The following MPP7 variants were observed in gnomAD, a reference collection of about 807,000 sequenced individuals.
MPP7 encodes the protein MAGUK p55 scaffold protein 7, also known as MAGUK p55 subfamily member 7.
MPP7 carries 60 observed loss-of-function variants against 76.5 expected under a neutral mutation model. The ratio of observed to expected loss-of-function variants is 0.78; its 90% CI spans 0.64 to 0.97. MPP7 has a LOEUF of 0.97. Among genes scored for constraint, MPP7 ranks in the 50% least tolerant of loss-of-function variants. The pLI, the probability that MPP7 is intolerant of heterozygous loss-of-function variation, is 0.00. For synonymous variants in MPP7, 237 were observed against 244.5 expected, an observed-to-expected ratio of 0.97 and a Z score of 0.29; for missense variants, 641 against 694.0, an observed-to-expected ratio of 0.92 and a Z score of 0.86.
chr10:28,319,257 G>A (rs1444263751), intron 2 of MPP7, among the ~76,000 whole-genome samples: 1 of 152,102 alleles, frequency 6.6e-6, no homozygotes, highest in Non-Finnish European at 1.5e-5. Context: ...GAACAGCAAG[G>A]GGAAAATCCA....
intron 1 of MPP7, among the ~76,000 whole-genome samples, chr10:28,284,430 G>A (rs1459031692): frequency 6.6e-6 from 1 of 152,202 alleles, no homozygotes; most frequent in Non-Finnish European, 1.5e-5. Context: ...CCTGTTTCAA[G>A]TCACAGGCAG....
intron 2 of MPP7, among the ~76,000 whole-genome samples, chr10:28,211,870 G>A (rs917124923): frequency 2.6e-5 from 4 of 152,182 alleles, no homozygotes; most frequent in East Asian, 1.9e-4. Context: ...GGGCAAACAC[G>A]AGAAGGAGCT....
intron 3 of MPP7, among the ~76,000 whole-genome samples, chr10:28,199,383 C>T (rs1404848123): frequency 3.3e-5 from 5 of 152,052 alleles, no homozygotes; most frequent in Admixed American, 6.6e-5. Flanking sequence ...TCTATTTAGG[C>T]GTTTTTCTTT....
At chr10:28,080,434 C>T (rs745765433) in intron 12 of MPP7, among the ~76,000 whole-genome samples, 2 of 152,158 alleles carry the variant, frequency 1.3e-5, no homozygotes, top group African/African-American at 2.4e-5. Context: ...TCTGTGTCCC[C>T]AACTCTCCAT....
intron 3 of MPP7, among the ~76,000 whole-genome samples, chr10:28,179,118 G>A (rs1457405428): frequency 6.6e-6 from 1 of 152,124 alleles, no homozygotes; most frequent in Non-Finnish European, 1.5e-5. Flanking sequence ...CTGGGGTGCA[G>A]ATAAAGAACT....
intron 11 of MPP7, among the ~76,000 whole-genome samples, chr10:28,097,976 T>C (rs1451152970): frequency 6.6e-6 from 1 of 152,198 alleles, no homozygotes; most frequent in Non-Finnish European, 1.5e-5. Context: ...ACTTGGACAG[T>C]TGCAATTTGG....
At position 28,058,476 on chromosome 10, in the gene MPP7, T is replaced by C. The variant is rs371022764; in HGVS notation, c.1407+19A>G. On this transcript the variant is annotated intron_variant, in intron 15 of 16. Transcript: ENST00000683449. ...TGACATGGGTCAGAAGGGTATTGAA[T>C]AGCTCATTGTTTACTTACATGAGGC... 21 of 1,428,122 alleles carry C rather than the reference T, an allele frequency of 1.5e-5. No individual in the cohort carries two copies. The Admixed American group carries it at 3.1e-4, about 21-fold the overall frequency. The allele number at this position is 1,428,122 out of a possible 1,614,324, so 88.5% of individuals were successfully genotyped here.
intron 1 of MPP7, among the ~76,000 whole-genome samples, chr10:28,285,446 A>T (rs986531715): frequency 6.6e-6 from 1 of 152,168 alleles, no homozygotes; most frequent in Admixed American, 6.5e-5. Flanking sequence ...CGGCCTCCCA[A>T]AGTGCTAGGA....
At chr10:28,152,976 G>C (rs557078424) in intron 3 of MPP7, among the ~76,000 whole-genome samples, 1 of 152,066 alleles carries the variant, frequency 6.6e-6, no homozygotes, top group Non-Finnish European at 1.5e-5. Flanking sequence ...ACTTCAGACC[G>C]AGTGTGGTGG....
intron 1 of MPP7, among the ~76,000 whole-genome samples, chr10:28,270,539 G>T (rs74686639): frequency 2.9e-5 from 3 of 102,602 alleles, no homozygotes; most frequent in African/African-American, 4.2e-5. Flanking sequence ...AAAAGGGGGG[G>T]GGGGAGGAGG....
At position 28,053,856 on chromosome 10, in the gene MPP7, G is replaced by A. The variant is rs1373808302; in HGVS notation, c.*209C>T. 2 of 587,598 alleles carry A rather than the reference G, an allele frequency of 3.4e-6. No individual in the cohort carries two copies. The highest frequency in any genetic ancestry group is 2.9e-5 in the East Asian group (1 of 34,972). The allele number at this position is 587,598 out of a possible 1,614,324, so 36.4% of individuals were successfully genotyped here. ...GGTTTGAGGTTTTGCTTAGAATACA[G>A]TACTGTGCATATTTTGATTTCGGAT... On this transcript the variant is annotated 3_prime_UTR_variant, in exon 17 of 17. Transcript: ENST00000683449.
At chr10:28,204,253 G>A (rs1050995731) in intron 2 of MPP7, among the ~76,000 whole-genome samples, 8 of 152,174 alleles carry the variant, frequency 5.3e-5, no homozygotes, top group Admixed American at 1.3e-4. Context: ...GATCAGCCTG[G>A]CCAACATGGT....
At chr10:28,323,553 T>C (rs1293592139) in intron 2 of MPP7, among the ~76,000 whole-genome samples, 2 of 151,854 alleles carry the variant, frequency 1.3e-5, no homozygotes, top group African/African-American at 4.8e-5. Context: ...GCTCTAAGAA[T>C]TGTGAAATGG....
At chr10:28,221,126 T>G (rs1178694218) in intron 2 of MPP7, among the ~76,000 whole-genome samples, 2 of 152,160 alleles carry the variant, frequency 1.3e-5, no homozygotes, top group East Asian at 3.8e-4. Context: ...CATGGTAGGT[T>G]AGAAAGTTTG....
At chr10:28,332,482 A>G (rs549286572) in intron 1 of MPP7, among the ~76,000 whole-genome samples, 1 of 152,320 alleles carries the variant, frequency 6.6e-6, no homozygotes, top group African/African-American at 2.4e-5. Flanking sequence ...AAATAGTGCA[A>G]TGGCATGAAT....
intron 2 of MPP7, among the ~76,000 whole-genome samples, chr10:28,315,365 G>A (rs1290466732): frequency 6.6e-6 from 1 of 150,596 alleles, no homozygotes; most frequent in Non-Finnish European, 1.5e-5. Context: ...AGGAAGGAGG[G>A]AAGGAAGGAA....
At chr10:28,109,582 T>C (rs957725426) in intron 11 of MPP7, among the ~76,000 whole-genome samples, 4 of 151,982 alleles carry the variant, frequency 2.6e-5, no homozygotes, top group African/African-American at 9.7e-5. Flanking sequence ...GTCCAGCCCA[T>C]TGAGCCTGTG....
chr10:28,211,691 A>G (rs1462196292), intron 2 of MPP7, among the ~76,000 whole-genome samples: 3 of 152,238 alleles, frequency 2.0e-5, no homozygotes, highest in East Asian at 1.9e-4. Context: ...TTTCGAATTA[A>G]TAAGATTGCA....
intron 2 of MPP7, among the ~76,000 whole-genome samples, chr10:28,228,866 G>A (rs1238458782): frequency 1.3e-5 from 2 of 152,098 alleles, no homozygotes; most frequent in East Asian, 1.9e-4. Flanking sequence ...GTAAAGGAGA[G>A]CAATAAAGCT....
Sources: gnomAD v4.1 joint callset for allele counts (sites outside exome capture counted in the v4.1 genomes callset) on GRCh38, gnomAD v4.1.1 for gene constraint, MANE v1.5 for transcripts, NCBI Gene and HGNC (gene_info 2026-07-23, HGNC 2026-07-21) for gene names.